DPYSL3: variants seen among roughly 807,000 people sequenced by gnomAD.
The protein encoded by DPYSL3 is dihydropyrimidinase-related protein 3.
In DPYSL3, 16 loss-of-function variants were observed where a neutral mutation model predicts 66.1. The ratio of observed to expected loss-of-function variants is 0.24; its 90% CI spans 0.16 to 0.37. The LOEUF (loss-of-function observed/expected upper bound fraction) is 0.37, where lower values mean the gene tolerates loss of function less well. DPYSL3 is among the 10% of genes least tolerant of loss of function. The probability of loss-of-function intolerance (pLI) is 1.00; values close to 1 mark genes in which losing one functional copy is unlikely to be tolerated. For missense variants in DPYSL3, 738 were observed against 916.2 expected (o/e 0.81, Z 2.51); for synonymous variants, 338 against 345.1 (o/e 0.98, Z 0.23).
Position 147,420,475 on chromosome 5 carries a change from A to G in DPYSL3, c.471-1844T>C, listed in dbSNP as rs17106716. Among the ~76,000 whole-genome samples the G allele has an allele frequency of 0.012, 1,893 of 152,290 alleles. 86 individuals carry two copies. In the East Asian group the frequency reaches 0.16, roughly 13 times the overall value. On this transcript the variant is annotated intron_variant, in intron 2 of 13. Coordinates refer to ENST00000343218, the MANE Select transcript of DPYSL3 (RefSeq NM_001197294.2). ...TATATACAGATATCTCAGTTCCCCT[A>G]AAAGACTAAAAGGTCCCGGGGGAAG...
chr5:147,489,450 T>C (rs1361882276), intron 1 of DPYSL3, among the ~76,000 whole-genome samples: 2 of 152,204 alleles, frequency 1.3e-5, no homozygotes, highest in African/African-American at 4.8e-5. Context: ...TATAGGAAAT[T>C]GAGTAATCTT....
intron 1 of DPYSL3, among the ~76,000 whole-genome samples, chr5:147,431,045 A>C (rs1752305758): frequency 6.6e-6 from 1 of 152,250 alleles, no homozygotes. Flanking sequence ...TTTAAAATCC[A>C]GATGAAGGTG....
At chr5:147,497,726 C>T (rs1215752481) in intron 1 of DPYSL3, among the ~76,000 whole-genome samples, 4 of 151,290 alleles carry the variant, frequency 2.6e-5, no homozygotes, top group Non-Finnish European at 5.9e-5. Flanking sequence ...AAAAACTTAG[C>T]GAAGTAGGAA....
At chr5:147,466,632 C>T (rs962029044) in intron 1 of DPYSL3, among the ~76,000 whole-genome samples, 1 of 152,180 alleles carries the variant, frequency 6.6e-6, no homozygotes, top group Non-Finnish European at 1.5e-5. Flanking sequence ...CACAACAGTT[C>T]ACTCCCAGAA....
chr5:147,456,879 C>G (rs1158837941), intron 1 of DPYSL3, among the ~76,000 whole-genome samples: 1 of 152,056 alleles, frequency 6.6e-6, no homozygotes, highest in African/African-American at 2.4e-5. Context: ...GCATGAACCA[C>G]CGCACCCAGC....
At chr5:147,501,356 A>G (rs1316912324) in intron 1 of DPYSL3, among the ~76,000 whole-genome samples, 2 of 152,202 alleles carry the variant, frequency 1.3e-5, no homozygotes, top group Non-Finnish European at 2.9e-5. Context: ...TTAGGGCAGT[A>G]AAACTAATTC....
chr5:147,491,909 A>G (rs1753421622), intron 1 of DPYSL3, among the ~76,000 whole-genome samples: 1 of 152,192 alleles, frequency 6.6e-6, no homozygotes, highest in South Asian at 2.1e-4. Context: ...TTTTCCCCAG[A>G]TTAACATCAG....
intron 1 of DPYSL3, among the ~76,000 whole-genome samples, chr5:147,426,663 G>GGGGCTTTATATC (rs1752203965): frequency 6.6e-6 from 1 of 152,146 alleles, no homozygotes; most frequent in African/African-American, 2.4e-5. Context: ...GAGAACGTCA[G>GGGGCTTTATATC]CTTTCAAAGA....
intron 1 of DPYSL3, among the ~76,000 whole-genome samples, chr5:147,468,414 G>A (rs1244543919): frequency 2.0e-5 from 3 of 152,158 alleles, no homozygotes; most frequent in Non-Finnish European, 4.4e-5. Context: ...AAGCTCAGTG[G>A]ATGTTTATAC....
chr5:147,431,259 A>C (rs548119816), intron 1 of DPYSL3, among the ~76,000 whole-genome samples: 1 of 152,308 alleles, frequency 6.6e-6, no homozygotes, highest in East Asian at 1.9e-4. Context: ...ATTTAGGAAA[A>C]GGTACTAAAT....
At chr5:147,492,568 C>T (rs961202308) in intron 1 of DPYSL3, among the ~76,000 whole-genome samples, 7 of 151,802 alleles carry the variant, frequency 4.6e-5, no homozygotes, top group Non-Finnish European at 8.8e-5. Context: ...AAAGTACTTG[C>T]ACTACTCATA....
Position 147,395,819 on chromosome 5 carries a change from G to C in DPYSL3, c.1804-98C>G. ...TATTAGTGAATACAGTGTGTGGTGG[G>C]AGCTAGGAATTAACAATAATAAAGA... is the stretch of plus-strand genomic sequence containing the variant. On this transcript the variant is annotated intron_variant, in intron 12 of 13. Coordinates refer to ENST00000343218, the MANE Select transcript of DPYSL3 (RefSeq NM_001197294.2). The C allele has an allele frequency of 2.9e-6, 4 of 1,378,772 alleles. 1 individual carries two copies. The highest frequency in any genetic ancestry group is 4.7e-5 in the East Asian group (2 of 42,308). The allele number at this position is 1,378,772 out of a possible 1,614,324, so 85.4% of individuals were successfully genotyped here. A position where few individuals can be genotyped will look rare whatever the true frequency, so the allele number is the denominator to read the frequency against.
chr5:147,480,565 GC>G (rs1391668926), intron 1 of DPYSL3, among the ~76,000 whole-genome samples: 2 of 152,052 alleles, frequency 1.3e-5, no homozygotes, highest in African/African-American at 4.8e-5. Context: ...CTGGTAAGCA[GC>G]ATAACCATTA....
chr5:147,452,377 G>A (rs994785017), intron 1 of DPYSL3, among the ~76,000 whole-genome samples: 1 of 151,676 alleles, frequency 6.6e-6, no homozygotes, highest in Non-Finnish European at 1.5e-5. Context: ...GCCTCCCAGG[G>A]GCCAGCTGAT....
chr5:147,411,582 T>C (rs1751853486), intron 6 of DPYSL3, among the ~76,000 whole-genome samples: 1 of 152,208 alleles, frequency 6.6e-6, no homozygotes, highest in South Asian at 2.1e-4. Flanking sequence ...CTTTAAAGGG[T>C]TGGGTGAAAA....
chr5:147,463,661 G>A (rs529296253), intron 1 of DPYSL3, among the ~76,000 whole-genome samples: 1 of 152,220 alleles, frequency 6.6e-6, no homozygotes, highest in South Asian at 2.1e-4. Flanking sequence ...GGCACAATGG[G>A]CATATGATTA....
intron 1 of DPYSL3, among the ~76,000 whole-genome samples, chr5:147,506,519 AT>A (rs1753687133): frequency 6.6e-6 from 1 of 152,190 alleles, no homozygotes; most frequent in Non-Finnish European, 1.5e-5. Context: ...TTTGAGAAAA[AT>A]ATTTACAAAA....
intron 1 of DPYSL3, among the ~76,000 whole-genome samples, chr5:147,452,984 A>G (rs1045667694): frequency 2.6e-5 from 4 of 152,064 alleles, no homozygotes; most frequent in African/African-American, 9.7e-5. Context: ...TAAACGATAC[A>G]TTGAAACATG....
chr5:147,486,725 T>A (rs550613468), intron 1 of DPYSL3, among the ~76,000 whole-genome samples: 1 of 152,314 alleles, frequency 6.6e-6, no homozygotes, highest in Admixed American at 6.5e-5. Context: ...CGTAAGTGGA[T>A]GAAAGAATAC....
Sources: gnomAD v4.1 joint callset for allele counts (sites outside exome capture counted in the v4.1 genomes callset) on GRCh38, gnomAD v4.1.1 for gene constraint, MANE v1.5 for transcripts, NCBI Gene and HGNC (gene_info 2026-07-23, HGNC 2026-07-21) for gene names.